ZHX2: variants seen among roughly 807,000 people sequenced by gnomAD.
ZHX2 encodes the protein zinc fingers and homeoboxes 2, also known as zinc fingers and homeoboxes protein 2.
In ZHX2, 6 loss-of-function variants were observed where a neutral mutation model predicts 21.9. That is an observed-to-expected ratio of 0.27 (90% CI 0.15 to 0.54). The LOEUF is 0.54. Among genes scored for constraint, ZHX2 ranks in the 20% least tolerant of loss-of-function variants. The pLI is 0.95. For synonymous variants in ZHX2, 434 were observed against 437.1 expected, an observed-to-expected ratio of 0.99 and a Z score of 0.09; for missense variants, 908 against 1,090.7, an observed-to-expected ratio of 0.83 and a Z score of 2.36.
intron 1 of ZHX2, among the ~76,000 whole-genome samples, chr8:122,854,004 G>A (rs993096779): frequency 3.9e-5 from 6 of 152,146 alleles, no homozygotes; most frequent in Non-Finnish European, 7.3e-5. Flanking sequence ...TCCTGAGAGC[G>A]CCTCAGTGAA....
At chr8:122,853,778 AC>A (rs1218271462) in intron 1 of ZHX2, among the ~76,000 whole-genome samples, 1 of 149,362 alleles carries the variant, frequency 6.7e-6, no homozygotes. Context: ...CCTTTTCCCC[AC>A]CCCACTGTCA....
chr8:122,957,495 T>G (rs550741603), intron 3 of ZHX2, among the ~76,000 whole-genome samples: 4 of 152,068 alleles, frequency 2.6e-5, no homozygotes, highest in African/African-American at 9.6e-5. Context: ...TGAGATGGAG[T>G]CTTCCTCTGT....
chr8:122,844,806 C>T (rs982932487), intron 1 of ZHX2, among the ~76,000 whole-genome samples: 16 of 152,190 alleles, frequency 1.1e-4, no homozygotes, highest in African/African-American at 3.9e-4. Context: ...CTGCTCTTTA[C>T]AGGAGAGAAT....
At chr8:122,904,178 C>G (rs1234372077) in intron 2 of ZHX2, among the ~76,000 whole-genome samples, 1 of 152,050 alleles carries the variant, frequency 6.6e-6, no homozygotes, top group East Asian at 1.9e-4. Context: ...CAACAAAAGC[C>G]CCCCCAAAAA....
chr8:122,817,604 T>C (rs1021104636), intron 1 of ZHX2, among the ~76,000 whole-genome samples: 4 of 152,200 alleles, frequency 2.6e-5, no homozygotes, highest in African/African-American at 9.7e-5. Context: ...CTATGAACCT[T>C]GGGCAAGGCA....
chr8:122,854,201 G>A (rs1016061836), intron 1 of ZHX2, among the ~76,000 whole-genome samples: 2 of 152,152 alleles, frequency 1.3e-5, no homozygotes, highest in Non-Finnish European at 2.9e-5. Context: ...TGAGGAGTGG[G>A]GAAAAGGTCT....
chr8:122,954,466 C>A (rs879282998), intron 3 of ZHX2, among the ~76,000 whole-genome samples: 6 of 152,168 alleles, frequency 3.9e-5, no homozygotes, highest in Non-Finnish European at 7.3e-5. Context: ...TGCCACCACA[C>A]CCAACTAATA....
chr8:122,865,752 T>C (rs1586340618), intron 2 of ZHX2, among the ~76,000 whole-genome samples: 1 of 152,156 alleles, frequency 6.6e-6, no homozygotes, highest in South Asian at 2.1e-4. Flanking sequence ...TAATCCTTAT[T>C]CTTATTCTGG....
At chr8:122,922,792 CACTT>C (rs1167441286) in intron 2 of ZHX2, among the ~76,000 whole-genome samples, 1 of 152,216 alleles carries the variant, frequency 6.6e-6, no homozygotes, top group Non-Finnish European at 1.5e-5. Flanking sequence ...ATGCATGAAA[CACTT>C]ACTGTCAAGG....
At chr8:122,837,332 A>G (rs545970165) in intron 1 of ZHX2, among the ~76,000 whole-genome samples, 71 of 152,116 alleles carry the variant, frequency 4.7e-4, no homozygotes, top group Non-Finnish European at 9.3e-4. Context: ...CAGTAACTGT[A>G]TTACTGACCA....
intron 2 of ZHX2, among the ~76,000 whole-genome samples, chr8:122,940,350 C>T (rs896726456): frequency 6.6e-6 from 1 of 152,150 alleles, no homozygotes; most frequent in East Asian, 1.9e-4. Context: ...TGAGTAAATT[C>T]GGGGCTCCCG....
chr8:122,880,030 T>A (rs1297868251), intron 2 of ZHX2, among the ~76,000 whole-genome samples: 1 of 148,452 alleles, frequency 6.7e-6, no homozygotes, highest in Admixed American at 6.9e-5. Flanking sequence ...TAGAGTACAG[T>A]GGTGCAATCT....
rs1392158269 is a variant in ZHX2 at position 122,953,464 on chromosome 8, T to C, written c.1954T>C (p.Trp652Arg). Reference protein sequence around the residue: ...LLRSTFARTQWPTPQEYDQLA... With the variant: ...LLRSTFARTQRPTPQEYDQLA... ...GAGGAGCACGTTTGCAAGAACCCAGTGGCCTACTCCCCAGGAGTACGACCA... is the reference window on the plus strand; with the variant it reads ...GAGGAGCACGTTTGCAAGAACCCAGCGGCCTACTCCCCAGGAGTACGACCA... The change falls in exon 3 of 4, where the codon TGG becomes CGG. Residue 652 changes from tryptophan (W) to arginine (R), a missense_variant. This residue lies in a region of ZHX2 where 431 missense variants were observed against 428.6 expected (regional missense o/e 1.01). Transcript: ENST00000314393. This position sits in a 1 kb window ranked among gnomAD's most constrained non-coding sequence, Gnocchi z 4.6. The C allele has an allele frequency of 6.2e-7, 1 of 1,614,048 alleles. No homozygotes were observed. The highest frequency in any genetic ancestry group is 8.5e-7 in the Non-Finnish European group (1 of 1,180,042).
At chr8:122,870,654 AAAAAAAAAAAAAG>A (rs1373273272) in intron 2 of ZHX2, among the ~76,000 whole-genome samples, 4 of 144,686 alleles carry the variant, frequency 2.8e-5, no homozygotes, top group East Asian at 2.0e-4. Context: ...AAAAAAAAAA[AAAAAAAAAAAAAG>A]AAAGAGAAAG....
chr8:122,870,117 CA>C, intron 2 of ZHX2, among the ~76,000 whole-genome samples: 1 of 152,172 alleles, frequency 6.6e-6, no homozygotes, highest in East Asian at 1.9e-4. Context: ...CAGAGGTGGA[CA>C]AAGCTTGGAC....
intron 1 of ZHX2, among the ~76,000 whole-genome samples, chr8:122,863,172 G>A (rs937293955): frequency 3.3e-5 from 5 of 151,810 alleles, no homozygotes; most frequent in African/African-American, 1.2e-4. Context: ...GAGGCCTCCC[G>A]CACCCCTACA....
Position 122,953,901 on chromosome 8 carries a change from G to C in ZHX2, c.2391G>C (p.Thr797=), listed in dbSNP as rs113010849. The change falls in exon 3 of 4, where the codon ACG becomes ACC. Residue 797 remains threonine, a synonymous_variant. Coordinates refer to ENST00000314393, the MANE Select transcript of ZHX2 (RefSeq NM_014943.5). This position sits in a 1 kb window ranked among gnomAD's most constrained non-coding sequence, Gnocchi z 4.6. ...GCGTTGTGGATTACGTGGAGGTGAC[G>C]GTCGGGGAGGAGGATGCGATCTCAG... ...ESSVVDYVEV[T]VGEEDAISDR... 1.2e-6 allele frequency: 2 copies of C among 1,614,180 alleles called. No homozygotes were observed. The highest frequency in any genetic ancestry group is 1.7e-6 in the Non-Finnish European group (2 of 1,180,026).
Position 122,961,195 on chromosome 8 carries a change from T to G in ZHX2, c.*4+7167T>G, listed in dbSNP as rs189039829. 1.1e-4 allele frequency among the ~76,000 whole-genome samples: 16 copies of G among 152,340 alleles called. No individual in the cohort carries two copies. The East Asian group carries it at 3.1e-3, about 29-fold the overall frequency. ...TCTTCGTAGCTTGCCAACACCCACCTTCTCACTGTGTCCTCACATAGTCTT... is the reference window on the plus strand; with the variant it reads ...TCTTCGTAGCTTGCCAACACCCACCGTCTCACTGTGTCCTCACATAGTCTT... On this transcript the variant is annotated intron_variant, in intron 3 of 3. Transcript: ENST00000314393.
At chr8:122,858,047 TG>T (rs1200567285) in intron 1 of ZHX2, among the ~76,000 whole-genome samples, 5 of 152,250 alleles carry the variant, frequency 3.3e-5, no homozygotes, top group Non-Finnish European at 5.9e-5. Context: ...GACAGGTCAC[TG>T]AAGACTGCAC....
Sources: allele counts gnomAD v4.1 joint callset (sites outside exome capture counted in the v4.1 genomes callset), GRCh38; gene constraint gnomAD v4.1.1; regional missense constraint gnomAD v4.1.1; non-coding constraint Gnocchi (gnomAD v3.1); transcripts MANE v1.5; gene names NCBI Gene and HGNC (gene_info 2026-07-23, HGNC 2026-07-21).